Variants in CSMD2 observed in about 807,000 individuals in gnomAD.
CSMD2 encodes CUB and sushi domain-containing protein 2.
In CSMD2, 130 loss-of-function variants were observed where a neutral mutation model predicts 398.5. The ratio of observed to expected loss-of-function variants is 0.33; its 90% CI spans 0.28 to 0.38. CSMD2 has a LOEUF of 0.38. Ranked by LOEUF, CSMD2 falls within the 10% of genes least tolerant of loss-of-function variation. CSMD2 has a pLI of 1.00. For missense variants in CSMD2, 3,829 were observed against 4,764.9 expected, an observed-to-expected ratio of 0.80 and a Z score of 5.78; for synonymous variants, 1,828 against 1,908.5, an observed-to-expected ratio of 0.96 and a Z score of 1.10.
intron 5 of CSMD2, chr1:33,862,472 G>C (rs1639613596): frequency 6.6e-6 from 1 of 151,462 alleles, no homozygotes; most frequent in East Asian, 2.0e-4. Context: ...TTTGATCTCA[G>C]AAAGGAGCTG....
chr1:34,010,270 T>C lies in CSMD2; in HGVS notation c.517+22324A>G, dbSNP rs1297938985. 2.6e-5 allele frequency among the ~76,000 whole-genome samples: 4 copies of C among 152,196 alleles called. No individual in the cohort carries two copies. The East Asian group carries it at 5.8e-4, about 22-fold the overall frequency. ...CATCCTTCCCTTAGTTCACTGACCCTCTTCCTGTAAGACTCAGCCACAGTG... is the reference window on the plus strand; with the variant it reads ...CATCCTTCCCTTAGTTCACTGACCCCCTTCCTGTAAGACTCAGCCACAGTG... On this transcript the variant is annotated intron_variant, in intron 3 of 70. Transcript: ENST00000373381.
chr1:33,532,914 AC>A (rs2148563314), intron 64 of CSMD2, 135 bp downstream of exon 64: 1 of 885,602 alleles, frequency 1.1e-6, no homozygotes, highest in South Asian at 1.9e-5. Context: ...TAGACTCAAA[AC>A]CTTAGAAAAT....
At chr1:33,554,395 AT>A (rs1301312498) in intron 55 of CSMD2, among the ~76,000 whole-genome samples, 1 of 151,960 alleles carries the variant, frequency 6.6e-6, no homozygotes, top group Non-Finnish European at 1.5e-5. Context: ...GGGTTTCACC[AT>A]GTTGGCCAGG....
Position 33,537,083 on chromosome 1 carries a change from G to A in CSMD2, c.9818C>T (p.Thr3273Ile). 1.2e-6 allele frequency: 2 copies of A among 1,614,176 alleles called. No homozygotes were observed. The highest frequency in any genetic ancestry group is 2.2e-5 in the South Asian group (2 of 91,084). Reference protein sequence around the residue: ...TQPSCIDPTLTTCADPGVPQF... With the variant: ...TQPSCIDPTLITCADPGVPQF... ...TGGCACACCAGGGTCCGCACACGTG[G>A]TCAGGGTCGGATCTGGATGGCCAAA... Residue 3273 changes from threonine to isoleucine, a missense_variant, in exon 62 of 71, where the codon ACC becomes ATC. This residue lies in a region of CSMD2 where 917 missense variants were observed against 1,199.5 expected (regional missense o/e 0.76). Transcript: ENST00000373381. The surrounding 1 kb of genome is among the most constrained non-coding windows in gnomAD (Gnocchi z 4.6).
intron 27 of CSMD2, among the ~76,000 whole-genome samples, chr1:33,655,718 G>A (rs903793320): frequency 3.9e-5 from 6 of 152,344 alleles, no homozygotes; most frequent in South Asian, 4.1e-4. Context: ...AGCTAGACCC[G>A]CTCATGGCAG....
chr1:33,617,221 T>A (rs1327814238), intron 38 of CSMD2, among the ~76,000 whole-genome samples: 1 of 152,212 alleles, frequency 6.6e-6, no homozygotes, highest in African/African-American at 2.4e-5. Flanking sequence ...GTCCTTTAAT[T>A]ACTAAATTCC....
At chr1:33,809,792 G>C (rs969371336) in intron 10 of CSMD2, among the ~76,000 whole-genome samples, 1 of 151,960 alleles carries the variant, frequency 6.6e-6, no homozygotes, top group African/African-American at 2.4e-5. Context: ...AAAGAATTCA[G>C]ATACATTTTT....
At chr1:34,066,800 A>C (rs919759070) in intron 2 of CSMD2, among the ~76,000 whole-genome samples, 9 of 152,318 alleles carry the variant, frequency 5.9e-5, no homozygotes, top group South Asian at 4.1e-4. Context: ...TCTCTGGGAA[A>C]GATGGGGCTT....
rs768982235 is a variant in CSMD2, at chr1:33,519,980, T to A, written c.10598-30A>T. The A allele has an allele frequency of 1.9e-6, 3 of 1,612,300 alleles. No homozygotes were observed. The highest frequency in any genetic ancestry group is 4.5e-5 in the East Asian group (2 of 44,818). On this transcript the variant is annotated intron_variant, in intron 68 of 70. Coordinates refer to ENST00000373381, the MANE Select transcript of CSMD2 (RefSeq NM_001281956.2). The surrounding 1 kb of genome is among the most constrained non-coding windows in gnomAD (Gnocchi z 5.6). The stretch of plus-strand genomic sequence containing the variant: ...AAAGTCCCAAAGCAGAAAAGTCAAG[T>A]CACGAGACACAGTCTGAGGCTCCGT...
chr1:33,775,567 G>A (rs1651864211), intron 12 of CSMD2, among the ~76,000 whole-genome samples: 1 of 152,148 alleles, frequency 6.6e-6, no homozygotes, highest in South Asian at 2.1e-4. Flanking sequence ...ATAACTAAGT[G>A]CCTGGCCTGA....
chr1:33,806,596 T>C (rs1656257144), intron 10 of CSMD2, among the ~76,000 whole-genome samples: 1 of 152,192 alleles, frequency 6.6e-6, no homozygotes, highest in African/African-American at 2.4e-5. Context: ...ACTTCAGATA[T>C]TGACACTAAC....
rs1458391372 is a variant in CSMD2, at chr1:33,568,149, C to G, written c.8132-308G>C. On this transcript the variant is annotated intron_variant, in intron 52 of 70. Transcript: ENST00000373381. ...AGCCTTCTATAAAAAAACAAACAAA[C>G]AAACAAGAAACGCCCCCAAAAACTC... Among the ~76,000 whole-genome samples, 11 of 149,604 alleles carry G rather than the reference C, an allele frequency of 7.4e-5. No individual in the cohort carries two copies. In the East Asian group the frequency reaches 2.2e-3, roughly 30 times the overall value.
At chr1:34,057,574 G>A (rs1653984443) in intron 2 of CSMD2, among the ~76,000 whole-genome samples, 1 of 152,110 alleles carries the variant, frequency 6.6e-6, no homozygotes, top group Admixed American at 6.5e-5. Flanking sequence ...AGAGAGAGGT[G>A]GGCAGAGAGG....
intron 5 of CSMD2, among the ~76,000 whole-genome samples, chr1:33,898,135 G>A (rs565696417): frequency 2.0e-5 from 3 of 152,298 alleles, no homozygotes; most frequent in Admixed American, 2.0e-4. Context: ...TTTCCTGCCA[G>A]CTCATGGAGT....
chr1:33,823,564 C>T lies in CSMD2; in HGVS notation c.1111+2133G>A, dbSNP rs183502623. Among the ~76,000 whole-genome samples the T allele has an allele frequency of 3.1e-4, 47 of 152,216 alleles. 1 individual carries two copies. The East Asian group carries it at 8.4e-3, about 27-fold the overall frequency. ...AGCCGCAATGTGCTCAGGAAGGCAC[C>T]ACCTTCTACCCAACGCAGGGAGTCA... On this transcript the variant is annotated intron_variant, in intron 7 of 70. Coordinates refer to ENST00000373381, the MANE Select transcript of CSMD2 (RefSeq NM_001281956.2).
intron 1 of CSMD2, among the ~76,000 whole-genome samples, chr1:34,147,682 A>T (rs1639909941): frequency 6.6e-6 from 1 of 151,852 alleles, no homozygotes; most frequent in African/African-American, 2.4e-5. Flanking sequence ...TGTATTATTA[A>T]GACACAAAGA....
At chr1:34,028,751 C>T (rs1650026080) in intron 3 of CSMD2, among the ~76,000 whole-genome samples, 1 of 152,180 alleles carries the variant, frequency 6.6e-6, no homozygotes, top group South Asian at 2.1e-4. Flanking sequence ...ATGTAAAGTG[C>T]CTGGCATACA....
In CSMD2 at chr1:33,600,854, T is replaced by G. The variant is rs749190190; in HGVS notation, c.6856+11A>C. 6.2e-7 allele frequency: 1 copy of G among 1,613,938 alleles called. No individual in the cohort carries two copies. Among genetic ancestry groups the G allele is most frequent in the Non-Finnish European group, 8.5e-7 (1 of 1,179,942 alleles). Reference sequence around the variant, plus strand: ...CTGGCCCTTCCCACCAGGCCAGGCTTCCATACTGACCGGAGAAAGCTATGG... The same window carrying G: ...CTGGCCCTTCCCACCAGGCCAGGCTGCCATACTGACCGGAGAAAGCTATGG... On this transcript the variant is annotated intron_variant, in intron 44 of 70. Transcript: ENST00000373381.
intron 5 of CSMD2, among the ~76,000 whole-genome samples, chr1:33,878,988 T>G (rs1641045137): frequency 6.6e-6 from 1 of 152,186 alleles, no homozygotes; most frequent in Admixed American, 6.5e-5. Flanking sequence ...GGTAACAATG[T>G]GTGGTCACTA....
Sources: gnomAD v4.1 joint callset for allele counts (sites outside exome capture counted in the v4.1 genomes callset) on GRCh38, gnomAD v4.1.1 for gene constraint, gnomAD v4.1.1 regional missense constraint, Gnocchi (gnomAD v3.1) non-coding constraint, MANE v1.5 for transcripts, NCBI Gene and HGNC (gene_info 2026-07-23, HGNC 2026-07-21) for gene names.